Variants in MYT1 observed in about 807,000 individuals in gnomAD.
MYT1 encodes the protein myelin transcription factor 1, also known as myelin transcription factor I.
In MYT1, 23 loss-of-function variants were observed where a neutral mutation model predicts 123.0. The ratio of observed to expected loss-of-function variants is 0.19; its 90% CI spans 0.13 to 0.26. MYT1 has a LOEUF of 0.26. Among genes scored for constraint, MYT1 ranks in the 10% least tolerant of loss-of-function variants. The pLI, the probability that MYT1 is intolerant of heterozygous loss-of-function variation, is 1.00. For synonymous variants in MYT1, 518 were observed against 575.3 expected, an observed-to-expected ratio of 0.90 and a Z score of 1.43; for missense variants, 1,125 against 1,472.5, an observed-to-expected ratio of 0.76 and a Z score of 3.86.
Position 64,219,813 on chromosome 20 carries a change from G to C in MYT1, c.2072G>C (p.Ser691Thr). 6.2e-7 allele frequency: 1 copy of C among 1,613,738 alleles called. No individual in the cohort carries two copies. The highest frequency in any genetic ancestry group is 8.5e-7 in the Non-Finnish European group (1 of 1,179,896). ...NAFPSSSSCSSSPGVKSPDAS... is the reference protein window; with the variant it reads ...NAFPSSSSCSTSPGVKSPDAS... The stretch of plus-strand genomic sequence containing the variant: ...TTCCCCAGCAGCAGCAGCTGCAGCA[G>C]CAGCCCCGGTGTGAAGTCTCCCGAC... Residue 691 changes from serine (S) to threonine (T), a missense_variant, in exon 13 of 23, where the codon AGC becomes ACC. Ser to Thr is a moderately conservative substitution (Grantham distance 58, BLOSUM62 1). Coordinates refer to ENST00000328439, the MANE Select transcript of MYT1 (RefSeq NM_004535.3).
chr20:64,237,672 C>A (rs568693102), intron 21 of MYT1, among the ~76,000 whole-genome samples: 1 of 152,156 alleles, frequency 6.6e-6, no homozygotes, highest in Non-Finnish European at 1.5e-5. Flanking sequence ...AATACTAGTC[C>A]CATTAAGATT....
In MYT1 at chr20:64,207,977, G is replaced by C; in HGVS notation, c.781G>C (p.Asp261His). 6.2e-7 allele frequency: 1 copy of C among 1,603,702 alleles called. No individual in the cohort carries two copies. The highest frequency in any genetic ancestry group is 8.5e-7 in the Non-Finnish European group (1 of 1,175,800). Residue 261 changes from aspartate (D) to histidine (H), a missense_variant, in exon 7 of 23, where the codon GAC (aspartate) becomes CAC (histidine). Physicochemically the swap from Asp to His is moderately conservative, Grantham distance 81. Transcript: ENST00000328439. ...QKGILSHEEE[D>H]EEEEEEEEEE... ...AGGCATCCTGAGTCACGAAGAGGAGGACGAGGAGGAGGAGGAGGAGGAAGA... is the reference window on the plus strand; with the variant it reads ...AGGCATCCTGAGTCACGAAGAGGAGCACGAGGAGGAGGAGGAGGAGGAAGA...
rs1984023320 is a variant in MYT1, at chr20:64,222,079, G to A, written c.2396+32G>A. The A allele has an allele frequency of 3.1e-6, 5 of 1,610,338 alleles. No homozygotes were observed. In the Admixed American group the frequency reaches 5.0e-5, roughly 16 times the overall value. Reference sequence around the variant, plus strand: ...CCCTGTTTGGCTGGCACAGCTCCTAGGGGACCCTCTGTGGCCTGGGGAGGA... The same window carrying A: ...CCCTGTTTGGCTGGCACAGCTCCTAAGGGACCCTCTGTGGCCTGGGGAGGA... On this transcript the variant is annotated intron_variant, in intron 14 of 22. Transcript: ENST00000328439.
At position 64,186,830 on chromosome 20, in the gene MYT1, T is replaced by C. The variant is rs1358647875; in HGVS notation, c.-98-3233T>C. 2.0e-5 allele frequency among the ~76,000 whole-genome samples: 3 copies of C among 150,404 alleles called. No individual in the cohort carries two copies. The highest frequency in any genetic ancestry group is 1.5e-5 in the Non-Finnish European group (1 of 67,778). ...GTAGCCTGTGGCCCCGGCATCCACG[T>C]TTCCGTGGAGAGTTTCCTGTAGCAC... On this transcript the variant is annotated intron_variant, in intron 1 of 22. Transcript: ENST00000328439. The surrounding 1 kb of genome is among the most constrained non-coding windows in gnomAD (Gnocchi z 4.3).
chr20:64,240,023 C>T, intron 22 of MYT1, 120 bp downstream of exon 22: 1 of 1,433,086 alleles, frequency 7.0e-7, no homozygotes, highest in South Asian at 1.3e-5. Flanking sequence ...GGCCCTGTGC[C>T]CTTGTGGAGA....
chr20:64,203,778 A>G lies in MYT1; in HGVS notation c.87-1257A>G, dbSNP rs1983396196. Among the ~76,000 whole-genome samples the G allele has an allele frequency of 6.6e-6, 1 of 152,180 alleles. No individual in the cohort carries two copies. The highest frequency in any genetic ancestry group is 1.5e-5 in the Non-Finnish European group (1 of 68,036). On this transcript the variant is annotated intron_variant, in intron 4 of 22. Transcript: ENST00000328439. The surrounding 1 kb of genome is among the most constrained non-coding windows in gnomAD (Gnocchi z 5.1). ...ACAGTTGTCTGCAGTCAGGCCTGTG[A>G]TCAGTCGAATTAGAAACGATCAGAG...
chr20:64,205,506 T>G (rs1444875858), intron 5 of MYT1, 47 bp from the exon 6 acceptor site: 1 of 1,601,136 alleles, frequency 6.2e-7, no homozygotes, highest in Non-Finnish European at 8.5e-7. Context: ...CTGAGGCCTC[T>G]CGTGGCCCTA....
chr20:64,169,144 A>G (rs1982169015), intron 1 of MYT1, among the ~76,000 whole-genome samples: 1 of 152,146 alleles, frequency 6.6e-6, no homozygotes, highest in Non-Finnish European at 1.5e-5. Flanking sequence ...TCAGGGACCC[A>G]CAGAGCTGCC....
At chr20:64,228,533 G>A (rs982918226) in intron 18 of MYT1, among the ~76,000 whole-genome samples, 2 of 152,192 alleles carry the variant, frequency 1.3e-5, no homozygotes, top group Non-Finnish European at 2.9e-5. Context: ...TCCTTGAGGA[G>A]AAAAGATTCT....
At position 64,227,971 on chromosome 20, in the gene MYT1, A is replaced by G. The variant is rs1160078158; in HGVS notation, c.2675A>G (p.Lys892Arg). The G allele has an allele frequency of 6.2e-7, 1 of 1,613,982 alleles. No individual in the cohort carries two copies. Among genetic ancestry groups the G allele is most frequent in the Non-Finnish European group, 8.5e-7 (1 of 1,179,912 alleles). ...KDDKEDPELM[K>R]CPVPGCVGLG... ...GACAAGGAGGACCCCGAGCTGATGA[A>G]GTACGTTGGGCCATGCTGGCTCTTT... The change falls in exon 18 of 23, where the codon AAG (lysine) becomes AGG (arginine). Residue 892 changes from lysine to arginine, a missense_variant and splice_region_variant. Transcript: ENST00000328439.
chr20:64,194,374 C>T (rs1480908335), intron 2 of MYT1, among the ~76,000 whole-genome samples: 1 of 152,248 alleles, frequency 6.6e-6, no homozygotes, highest in Non-Finnish European at 1.5e-5. Flanking sequence ...TGGCTCTCAA[C>T]CCTTAGCAGA....
Position 64,208,565 on chromosome 20 carries a change from C to A in MYT1, c.1291+78C>A. On this transcript the variant is annotated intron_variant, in intron 7 of 22. Transcript: ENST00000328439. This position sits in a 1 kb window ranked among gnomAD's most constrained non-coding sequence, Gnocchi z 5.4. ...CAGGTGTGCAGATGCAGGCTGAGAG[C>A]CCTTCTAGGACAGGGGGCTGGGGGA... is the stretch of plus-strand genomic sequence containing the variant. The A allele has an allele frequency of 3.3e-6, 5 of 1,498,312 alleles. No homozygotes were observed. In the South Asian group the frequency reaches 6.9e-5, roughly 21 times the overall value. The allele number at this position is 1,498,312 out of a possible 1,614,324, so 92.8% of individuals were successfully genotyped here.
chr20:64,195,291 C>G (rs1193955015), intron 2 of MYT1, among the ~76,000 whole-genome samples: 1 of 150,572 alleles, frequency 6.6e-6, no homozygotes, highest in African/African-American at 2.4e-5. Flanking sequence ...TCTGTTTTGG[C>G]CAGGCCAGCA....
In MYT1 at chr20:64,203,213, G is replaced by C. The variant is rs1378963828; in HGVS notation, c.87-1822G>C. Among the ~76,000 whole-genome samples the C allele has an allele frequency of 6.6e-6, 1 of 152,246 alleles. No individual in the cohort carries two copies. Among genetic ancestry groups the C allele is most frequent in the African/African-American group, 2.4e-5 (1 of 41,460 alleles). On this transcript the variant is annotated intron_variant, in intron 4 of 22. Coordinates refer to ENST00000328439, the MANE Select transcript of MYT1 (RefSeq NM_004535.3). This position sits in a 1 kb window ranked among gnomAD's most constrained non-coding sequence, Gnocchi z 5.1. ...ACCAGGACTCTTCTGAGCTGAGGGT[G>C]ACGTGTTCAGGGCAGTCCGGTCCCC...
At chr20:64,199,049 T>C (rs1053848497) in intron 3 of MYT1, 133 bp downstream of exon 3, 13 of 893,654 alleles carry the variant, frequency 1.5e-5, no homozygotes, top group Non-Finnish European at 1.9e-5. Flanking sequence ...GCCTCATTCA[T>C]CCTCAGGGCT....
intron 16 of MYT1, among the ~76,000 whole-genome samples, chr20:64,223,778 C>A (rs1315304060): frequency 2.6e-5 from 4 of 152,200 alleles, no homozygotes; most frequent in African/African-American, 9.6e-5. Flanking sequence ...CTGTGCGGCT[C>A]TTGCTAAATG....
In MYT1 at chr20:64,192,322, C is replaced by T. The variant is rs144392269; in HGVS notation, c.-1+2162C>T. Among the ~76,000 whole-genome samples, 783 of 152,274 alleles carry T rather than the reference C, an allele frequency of 5.1e-3. 8 individuals are homozygous for T. The highest frequency in any genetic ancestry group is 0.018 in the African/African-American group (730 of 41,564). ...AGAAGGCGAGAGGATGAGAAAGGGT[C>T]GACTGCCTAGAGGACAGTGGGGCAG... On this transcript the variant is annotated intron_variant, in intron 2 of 22. Coordinates refer to ENST00000328439, the MANE Select transcript of MYT1 (RefSeq NM_004535.3). This position sits in a 1 kb window ranked among gnomAD's most constrained non-coding sequence, Gnocchi z 5.3.
chr20:64,239,030 C>T (rs1448224973), intron 21 of MYT1, among the ~76,000 whole-genome samples: 1 of 152,246 alleles, frequency 6.6e-6, no homozygotes, highest in Admixed American at 6.5e-5. Flanking sequence ...GCTCCCCACT[C>T]CTGCCTCGTG....
In MYT1 at chr20:64,185,334, G is replaced by C. The variant is rs1353441978; in HGVS notation, c.-98-4729G>C. On this transcript the variant is annotated intron_variant, in intron 1 of 22. Transcript: ENST00000328439. The surrounding 1 kb of genome is among the most constrained non-coding windows in gnomAD (Gnocchi z 4.5). ...GTGCTGGAGACGGAGGAGGGCTGAG[G>C]GGGTGCATGGGAGAATGGAGGTGTG... 6.6e-6 allele frequency among the ~76,000 whole-genome samples: 1 copy of C among 152,132 alleles called. No individual in the cohort carries two copies. The highest frequency in any genetic ancestry group is 1.5e-5 in the Non-Finnish European group (1 of 68,012).
Sources: gnomAD v4.1 joint callset for allele counts (sites outside exome capture counted in the v4.1 genomes callset) on GRCh38, gnomAD v4.1.1 for gene constraint, Gnocchi (gnomAD v3.1) non-coding constraint, MANE v1.5 for transcripts, NCBI Gene and HGNC (gene_info 2026-07-23, HGNC 2026-07-21) for gene names.